KCNK2: variants seen among roughly 807,000 people sequenced by gnomAD.
KCNK2 encodes potassium channel subfamily K member 2.
In KCNK2, 21 loss-of-function variants were observed where a neutral mutation model predicts 40.5. The ratio of observed to expected loss-of-function variants is 0.52; its 90% CI spans 0.37 to 0.75. The LOEUF is 0.75. KCNK2 is among the 30% of genes least tolerant of loss of function. The pLI, the probability that KCNK2 is intolerant of heterozygous loss-of-function variation, is 0.00. For synonymous variants in KCNK2, 191 were observed against 202.2 expected (o/e 0.94, Z 0.47); for missense variants, 399 against 531.6 (o/e 0.75, Z 2.45).
At chr1:215,160,331 C>T (rs1046372563) in intron 3 of KCNK2, among the ~76,000 whole-genome samples, 3 of 151,984 alleles carry the variant, frequency 2.0e-5, no homozygotes, top group Non-Finnish European at 4.4e-5. Context: ...GGAGAGAGTG[C>T]GAAAGCAAAG....
At chr1:215,106,158 T>A (rs1660431379) in intron 2 of KCNK2, among the ~76,000 whole-genome samples, 1 of 152,122 alleles carries the variant, frequency 6.6e-6, no homozygotes, top group Non-Finnish European at 1.5e-5. Context: ...CTTTGAGAAA[T>A]CTTCAAACTG....
chr1:215,145,605 A>G (rs1662381090), intron 3 of KCNK2, among the ~76,000 whole-genome samples: 1 of 152,158 alleles, frequency 6.6e-6, no homozygotes, highest in Admixed American at 6.5e-5. Context: ...CAATTTGATG[A>G]CAGAGGAATT....
intron 3 of KCNK2, among the ~76,000 whole-genome samples, chr1:215,159,474 C>T (rs1032156500): frequency 3.3e-5 from 5 of 152,152 alleles, no homozygotes; most frequent in African/African-American, 1.2e-4. Context: ...CTATCAGGAT[C>T]TACTGGGGAC....
intron 3 of KCNK2, among the ~76,000 whole-genome samples, chr1:215,168,403 CAT>C (rs1663544545): frequency 1.3e-5 from 2 of 152,134 alleles, no homozygotes; most frequent in Admixed American, 1.3e-4. Flanking sequence ...CACTTGCACA[CAT>C]ATGTTTATTG....
chr1:215,227,631 T>C (rs892291054), intron 6 of KCNK2, among the ~76,000 whole-genome samples: 1 of 152,100 alleles, frequency 6.6e-6, no homozygotes, highest in African/African-American at 2.4e-5. Flanking sequence ...TTTGTGTTCA[T>C]TACAGGGCAA....
intron 5 of KCNK2, among the ~76,000 whole-genome samples, chr1:215,186,478 A>G (rs1664444445): frequency 6.6e-6 from 1 of 152,142 alleles, no homozygotes; most frequent in Admixed American, 6.5e-5. Context: ...ATATATCGTA[A>G]TACTTATGAT....
At position 215,083,403 on chromosome 1, in the gene KCNK2, G is replaced by C. The variant is rs754344732; in HGVS notation, c.18G>C (p.Ser6=). The C allele has an allele frequency of 1.2e-6, 2 of 1,613,864 alleles. No homozygotes were observed. The highest frequency in any genetic ancestry group is 1.7e-6 in the Non-Finnish European group (2 of 1,179,892). The change falls in exon 1 of 7, where the codon TCG becomes TCC. Residue 6 remains serine (S), a synonymous_variant. Coordinates refer to ENST00000444842, the MANE Select transcript of KCNK2 (RefSeq NM_001017425.3). MLPSA[S]RERPGYRAGV... ...CATGCCTCATGCTTCCCAGCGCCTC[G>C]CGGGAGAGACCCGGCTATAGAGCAG... is the stretch of plus-strand genomic sequence containing the variant.
Position 215,164,920 on chromosome 1 carries a change from A to T in KCNK2, c.476-4279A>T, listed in dbSNP as rs192298269. ...TAGCAGAGTGCCTGGCAAATAGTAG[A>T]TGCTTAATAAAAAATTTTGAATGTA... On this transcript the variant is annotated intron_variant, in intron 3 of 6. Transcript: ENST00000444842. 3.9e-4 allele frequency among the ~76,000 whole-genome samples: 60 copies of T among 152,292 alleles called. 1 individual carries two copies. The highest frequency in any genetic ancestry group is 3.5e-3 in the Admixed American group (54 of 15,284).
chr1:215,049,235 G>A lies in KCNK2; in HGVS notation c.35-37133G>A, dbSNP rs992369387. 5.3e-5 allele frequency among the ~76,000 whole-genome samples: 8 copies of A among 152,190 alleles called. No homozygotes were observed. The South Asian group carries it at 6.2e-4, about 12-fold the overall frequency. On this transcript the variant is annotated intron_variant, in intron 1 of 6. Coordinates refer to the KCNK2 transcript ENST00000391895. ...GATATTGTATTGTGCTTTAATTTGC[G>A]TTTTCCTAATGGCTGAATGAAGTTA...
intron 2 of KCNK2, among the ~76,000 whole-genome samples, chr1:215,107,499 T>C (rs1364273596): frequency 6.6e-6 from 1 of 152,142 alleles, no homozygotes; most frequent in African/African-American, 2.4e-5. Flanking sequence ...CTCCACATTA[T>C]TGACAATATT....
intron 2 of KCNK2, among the ~76,000 whole-genome samples, chr1:215,090,596 G>A (rs1293109859): frequency 6.6e-6 from 1 of 152,150 alleles, no homozygotes; most frequent in Non-Finnish European, 1.5e-5. Flanking sequence ...ACCAGTAGAG[G>A]ATGGTCACAT....
Position 215,124,621 on chromosome 1 carries a change from T to G in KCNK2, c.358-12T>G. ...TTCATGTGTACTGATAAATTTCTTT[T>G]TAAACTTGCAGCAAATAGTGGCAGC... On this transcript the variant is annotated splice_polypyrimidine_tract_variant and intron_variant, in intron 2 of 6. Transcript: ENST00000444842. The G allele has an allele frequency of 1.3e-6, 2 of 1,533,782 alleles. No homozygotes were observed. Among genetic ancestry groups the G allele is most frequent in the Non-Finnish European group, 9.0e-7 (1 of 1,107,026 alleles).
chr1:215,037,573 C>T (rs1462123188), intron 1 of KCNK2, among the ~76,000 whole-genome samples: 1 of 151,952 alleles, frequency 6.6e-6, no homozygotes, highest in Admixed American at 6.6e-5. Flanking sequence ...AAATTCCTTT[C>T]TCCACTATTT....
intron 2 of KCNK2, among the ~76,000 whole-genome samples, chr1:215,120,266 GT>G (rs1429405865): frequency 6.6e-6 from 1 of 152,050 alleles, no homozygotes; most frequent in East Asian, 1.9e-4. Flanking sequence ...CATAGTGCTG[GT>G]TATGAAGGCT....
At chr1:215,189,988 T>G (rs1394323414) in intron 5 of KCNK2, among the ~76,000 whole-genome samples, 1 of 152,236 alleles carries the variant, frequency 6.6e-6, no homozygotes. Flanking sequence ...TGGAGTTATA[T>G]ATCTATGTTT....
chr1:215,155,281 A>G (rs1166156739), intron 3 of KCNK2, among the ~76,000 whole-genome samples: 1 of 102,192 alleles, frequency 9.8e-6, no homozygotes, highest in Non-Finnish European at 2.0e-5. Flanking sequence ...TATTGTTTTC[A>G]TTCATTAATT....
At chr1:215,224,679 G>A (rs1666313605) in intron 6 of KCNK2, among the ~76,000 whole-genome samples, 1 of 152,086 alleles carries the variant, frequency 6.6e-6, no homozygotes, top group Non-Finnish European at 1.5e-5. Flanking sequence ...ACTTACAAAA[G>A]TGAAAACATT....
At chr1:215,089,542 T>C (rs1454094829) in intron 2 of KCNK2, among the ~76,000 whole-genome samples, 1 of 152,112 alleles carries the variant, frequency 6.6e-6, no homozygotes, top group Non-Finnish European at 1.5e-5. Context: ...TGTGGTTGTG[T>C]CTCAGGGTGG....
intron 3 of KCNK2, among the ~76,000 whole-genome samples, chr1:215,160,864 C>T (rs1424188689): frequency 6.6e-6 from 1 of 152,078 alleles, no homozygotes; most frequent in Non-Finnish European, 1.5e-5. Context: ...TTATACATGC[C>T]ATATTCTGTG....
Sources: allele counts gnomAD v4.1 joint callset (sites outside exome capture counted in the v4.1 genomes callset), GRCh38; gene constraint gnomAD v4.1.1; transcripts MANE v1.5; gene names NCBI Gene and HGNC (gene_info 2026-07-23, HGNC 2026-07-21).